AZI2: variants seen among roughly 807,000 people sequenced by gnomAD.
The protein encoded by AZI2 is 5-azacytidine induced 2, also known as 5-azacytidine-induced protein 2.
Under a neutral mutation model 45.8 loss-of-function variants are expected in AZI2, and 22 were observed. The observed-to-expected ratio is 0.48, with a 90% CI of 0.34 to 0.69. The LOEUF is 0.69. Ranked by LOEUF, AZI2 falls within the 30% of genes least tolerant of loss-of-function variation. AZI2 has a pLI of 0.01. For synonymous variants in AZI2, 137 were observed against 156.7 expected, an observed-to-expected ratio of 0.87 and a Z score of 0.94; for missense variants, 417 against 441.5, an observed-to-expected ratio of 0.94 and a Z score of 0.50.
intron 2 of AZI2, 98 bp from the exon 3 acceptor site, chr3:28,338,713 A>G (rs926822005): frequency 1.8e-6 from 2 of 1,091,026 alleles, no homozygotes; most frequent in Middle Eastern, 2.7e-4. Flanking sequence ...TTCAATCGTA[A>G]TAAGGGGATA....
At chr3:28,332,328 A>G in intron 6 of AZI2, 41 bp downstream of exon 6, 6 of 1,530,532 alleles carry the variant, frequency 3.9e-6, no homozygotes, top group Non-Finnish European at 5.4e-6. Context: ...GACTTATGGA[A>G]GAAGACAACG....
chr3:28,338,673 A>T, intron 2 of AZI2, 58 bp from the exon 3 acceptor site: 1 of 1,498,088 alleles, frequency 6.7e-7, no homozygotes. Context: ...ATAAAAAATA[A>T]GTCAGTGTTC....
At chr3:28,327,120 A>G in intron 6 of AZI2, 170 bp from the exon 7 acceptor site, 5 of 551,170 alleles carry the variant, frequency 9.1e-6, no homozygotes, top group South Asian at 6.3e-5. Flanking sequence ...AAGTGAAAAG[A>G]TCTTGAAAGA....
chr3:28,332,419 A>C lies in AZI2; in HGVS notation c.597T>G (p.Tyr199Ter). ...ELQKAKQTDP[Y>*]QEDNLKSRDL... ...CTCTGCTCTTCAGATTGTCTTCCTGATATGGATCCTGTCATTTGTTTAAAA... is the reference window on the plus strand; with the variant it reads ...CTCTGCTCTTCAGATTGTCTTCCTGCTATGGATCCTGTCATTTGTTTAAAA... The change falls in exon 6 of 8, where the codon TAT (tyrosine) becomes TAG (stop). Residue 199 changes from tyrosine (Y) to a stop codon, truncating the protein, a stop_gained. Coordinates refer to ENST00000479665, the MANE Select transcript of AZI2 (RefSeq NM_022461.5). LOFTEE classifies it high-confidence loss of function. 1 of 1,608,066 alleles carries C rather than the reference A, an allele frequency of 6.2e-7. No homozygotes were observed.
Position 28,324,415 on chromosome 3 carries a change from T to G in AZI2, c.806A>C (p.Asp269Ala). 1 of 1,537,798 alleles carries G rather than the reference T, an allele frequency of 6.5e-7. No homozygotes were observed. The highest frequency in any genetic ancestry group is 8.8e-7 in the Non-Finnish European group (1 of 1,141,256). Residue 269 changes from aspartate (D) to alanine (A), a missense_variant, in exon 8 of 8, where the codon GAC becomes GCC. Asp to Ala is a moderately radical substitution (Grantham distance 126). Transcript: ENST00000479665. ...PVGCSEDLGR[D>A]STKLHLMNFT... ...ATTCATCAAGTGCAGTTTTGTGCTG[T>G]CTCTTCCAAGGTCTTCACTGCATCC... is the stretch of plus-strand genomic sequence containing the variant.
At chr3:28,327,719 TATTC>T (rs1703434961) in intron 6 of AZI2, among the ~76,000 whole-genome samples, 1 of 151,112 alleles carries the variant, frequency 6.6e-6, no homozygotes, top group African/African-American at 2.4e-5. Flanking sequence ...TAAACATTCA[TATTC>T]AGACATTCAT....
intron 1 of AZI2, among the ~76,000 whole-genome samples, chr3:28,346,675 C>T (rs1303667364): frequency 6.6e-6 from 1 of 152,056 alleles, no homozygotes; most frequent in Non-Finnish European, 1.5e-5. Context: ...AGGATATTCC[C>T]GAACCTATTT....
Position 28,323,634 on chromosome 3 carries a change from C to T in AZI2, c.*408G>A, listed in dbSNP as rs904960202. 1 of 154,896 alleles carries T rather than the reference C, an allele frequency of 6.5e-6. No homozygotes were observed. Among genetic ancestry groups the T allele is most frequent in the African/African-American group, 2.4e-5 (1 of 41,344 alleles). The allele number at this position is 154,896 out of a possible 1,614,324, so 9.6% of individuals were successfully genotyped here. On this transcript the variant is annotated 3_prime_UTR_variant, in exon 8 of 8. Transcript: ENST00000479665. ...AACCTACTCACATTGCCATTTGTTC[C>T]ATTATGCAATTTGAAGAAACATGTT...
chr3:28,324,020 G>A lies in AZI2; in HGVS notation c.*22C>T. The A allele has an allele frequency of 6.3e-7, 1 of 1,578,878 alleles. No individual in the cohort carries two copies. The highest frequency in any genetic ancestry group is 8.6e-7 in the Non-Finnish European group (1 of 1,156,524). ...TGAAAGAGATAAGTGTCCTCATGGT[G>A]AAATCGTGAATCTCTTCCAAATTAA... On this transcript the variant is annotated 3_prime_UTR_variant, in exon 8 of 8. Transcript: ENST00000479665.
In AZI2 at chr3:28,340,466, C is replaced by T. The variant is rs751392275; in HGVS notation, c.152G>A (p.Arg51Gln). The T allele has an allele frequency of 1.9e-6, 3 of 1,612,432 alleles. No individual in the cohort carries two copies. The highest frequency in any genetic ancestry group is 1.7e-5 in the Admixed American group (1 of 59,922). The change falls in exon 2 of 8, where the codon CGA (arginine) becomes CAA (glutamine). Residue 51 changes from arginine to glutamine, a missense_variant. By Grantham distance (43) the Arg-to-Gln change is conservative. Coordinates refer to ENST00000479665, the MANE Select transcript of AZI2 (RefSeq NM_022461.5). ...LVTAYEDIKK[R>Q]LKDSEKENSL... is the part of the protein sequence containing the mutation. ...GTTCTCTTTCTCTGAATCCTTAAGT[C>T]GTTTTTTGATGTCTTCATATGCAGT...
intron 6 of AZI2, chr3:28,331,651 G>T: frequency 8.0e-7 from 1 of 1,251,112 alleles, no homozygotes; most frequent in Non-Finnish European, 1.0e-6. Context: ...ATTTACTTAG[G>T]TCAGTAAACT....
intron 7 of AZI2, chr3:28,325,143 CA>C (rs1234074563): frequency 8.1e-6 from 1 of 123,828 alleles, no homozygotes; most frequent in Admixed American, 8.1e-5. Context: ...AAAAAAAAAA[CA>C]GCCAAAAAAA....
chr3:28,338,078 C>A, intron 3 of AZI2, 42 bp from the exon 4 acceptor site: 1 of 1,191,150 alleles, frequency 8.4e-7, no homozygotes, highest in Non-Finnish European at 1.2e-6. Flanking sequence ...TCAATAAAAT[C>A]TACACGTTGG....
In AZI2 at chr3:28,334,109, T is replaced by C. The variant is rs75913823; in HGVS notation, c.589-1682A>G. 7.0e-3 allele frequency among the ~76,000 whole-genome samples: 1,065 copies of C among 151,722 alleles called. 13 individuals carry two copies. The highest frequency in any genetic ancestry group is 0.024 in the African/African-American group (990 of 41,436). ...CCTGAAACCTCACTAACATGAAATA[T>C]TAATGAACTGAGTTCCCTCACTAAA... On this transcript the variant is annotated intron_variant, in intron 5 of 7. Transcript: ENST00000479665.
intron 1 of AZI2, among the ~76,000 whole-genome samples, chr3:28,347,292 G>C (rs1464959085): frequency 6.6e-6 from 1 of 152,180 alleles, no homozygotes; most frequent in African/African-American, 2.4e-5. Flanking sequence ...GTAGCCAAGC[G>C]TTTATGGTAT....
At chr3:28,329,751 G>A (rs1226884897) in intron 6 of AZI2, among the ~76,000 whole-genome samples, 1 of 151,238 alleles carries the variant, frequency 6.6e-6, no homozygotes, top group African/African-American at 2.4e-5. Context: ...ACTTAAAAGT[G>A]TGTATTTTGA....
intron 1 of AZI2, among the ~76,000 whole-genome samples, chr3:28,342,865 T>C (rs1174047908): frequency 6.6e-6 from 1 of 151,960 alleles, no homozygotes; most frequent in Non-Finnish European, 1.5e-5. Context: ...CTTAAATAAT[T>C]TAATACTCAA....
At chr3:28,333,397 G>C (rs1703660223) in intron 5 of AZI2, among the ~76,000 whole-genome samples, 1 of 151,568 alleles carries the variant, frequency 6.6e-6, no homozygotes, top group Non-Finnish European at 1.5e-5. Flanking sequence ...AGGTCCAGGA[G>C]GTTTGACCAC....
At chr3:28,338,911 C>T (rs62251112) in intron 2 of AZI2, among the ~76,000 whole-genome samples, 31,156 of 151,686 alleles carry the variant, frequency 0.21, 3,534 homozygotes, top group Admixed American at 0.28. Context: ...ATACACACTG[C>T]TTAGATGTTT....
Sources: allele counts gnomAD v4.1 joint callset (sites outside exome capture counted in the v4.1 genomes callset), GRCh38; gene constraint gnomAD v4.1.1; transcripts MANE v1.5; gene names NCBI Gene and HGNC (gene_info 2026-07-23, HGNC 2026-07-21).